VEGFC: variants seen among roughly 807,000 people sequenced by gnomAD.
VEGFC encodes vascular endothelial growth factor C, also known as FLT4 ligand DHM.
A neutral mutation model predicts 46.1 loss-of-function variants in VEGFC; 12 were observed. The ratio of observed to expected loss-of-function variants is 0.26; its 90% CI spans 0.17 to 0.42. The LOEUF is 0.42. Ranked by LOEUF, VEGFC falls within the 10% of genes least tolerant of loss-of-function variation. The probability of loss-of-function intolerance (pLI) is 1.00; values close to 1 mark genes in which losing one functional copy is unlikely to be tolerated. For synonymous variants in VEGFC, 232 were observed against 195.5 expected (o/e 1.19, Z -1.56); for missense variants, 488 against 529.4 (o/e 0.92, Z 0.77).
intron 6 of VEGFC, 103 bp downstream of exon 6, chr4:176,687,084 C>T: frequency 2.5e-6 from 3 of 1,220,930 alleles, no homozygotes; most frequent in Non-Finnish European, 3.4e-6. Flanking sequence ...AATGTATTGG[C>T]CTCATTCTAA....
At chr4:176,768,331 G>A (rs184394524) in intron 1 of VEGFC, among the ~76,000 whole-genome samples, 1 of 151,894 alleles carries the variant, frequency 6.6e-6, no homozygotes, top group East Asian at 1.9e-4. Context: ...ACAGTGGGCT[G>A]AGCCCTGAAC....
intron 1 of VEGFC, among the ~76,000 whole-genome samples, chr4:176,742,067 A>T (rs1218013879): frequency 6.6e-6 from 1 of 151,882 alleles, no homozygotes; most frequent in Non-Finnish European, 1.5e-5. Context: ...TTTGGCTTCT[A>T]CAACCCTTGT....
chr4:176,768,482 T>C (rs1030786370), intron 1 of VEGFC, among the ~76,000 whole-genome samples: 24 of 30,848 alleles, frequency 7.8e-4, no homozygotes, highest in Admixed American at 2.0e-3. Flanking sequence ...AGTAAGAGGA[T>C]GTTTTATACA....
chr4:176,749,017 GAAGTTTATAATGC>G (rs1735300705), intron 1 of VEGFC, among the ~76,000 whole-genome samples: 1 of 151,942 alleles, frequency 6.6e-6, no homozygotes, highest in South Asian at 2.1e-4. Context: ...CTTGAAAGAA[GAAGTTTATAATGC>G]AAGTCAATAA....
At chr4:176,766,986 A>T (rs1041726221) in intron 1 of VEGFC, among the ~76,000 whole-genome samples, 1 of 151,652 alleles carries the variant, frequency 6.6e-6, no homozygotes, top group Non-Finnish European at 1.5e-5. Context: ...CTTACATTAA[A>T]ATTAAAGAAA....
chr4:176,717,863 T>C (rs186954359), intron 3 of VEGFC, among the ~76,000 whole-genome samples: 2 of 152,134 alleles, frequency 1.3e-5, no homozygotes, highest in Admixed American at 6.5e-5. Flanking sequence ...CATTTTGACT[T>C]AGCATTGCAA....
chr4:176,780,391 A>AAAAAAAAAAAACAAAC lies in VEGFC; in HGVS notation c.147+11773_147+11774insGTTTGTTTTTTTTTTT, dbSNP rs1553997828. Among the ~76,000 whole-genome samples the AAAAAAAAAAAACAAAC allele has an allele frequency of 2.0e-5, 3 of 148,676 alleles. No individual in the cohort carries two copies. In the South Asian group the frequency reaches 6.4e-4, roughly 32 times the overall value. ...AGCGAGACTCCATCTCAAAAAAAAA[A>AAAAAAAAAAAACAAAC]AAAAAAAACTCCTTCTAACCCATTC... On this transcript the variant is annotated intron_variant, in intron 1 of 6. Coordinates refer to ENST00000618562, the MANE Select transcript of VEGFC (RefSeq NM_005429.5).
chr4:176,702,129 C>T (rs1734444662), intron 4 of VEGFC, among the ~76,000 whole-genome samples: 1 of 152,014 alleles, frequency 6.6e-6, no homozygotes, highest in Admixed American at 6.6e-5. Context: ...GTTTCCTTGG[C>T]TATAAATCTA....
Position 176,687,105 on chromosome 4 carries a change from T to C in VEGFC, c.1145+82A>G, listed in dbSNP as rs1251742392. Reference sequence around the variant, plus strand: ...TTGGCCTCATTCTAACAAGCAATTGTTACTTTGGTTAAGAAAACTGCTTTT... The same window carrying C: ...TTGGCCTCATTCTAACAAGCAATTGCTACTTTGGTTAAGAAAACTGCTTTT... On this transcript the variant is annotated intron_variant, in intron 6 of 6. Transcript: ENST00000618562. 9.9e-6 allele frequency: 14 copies of C among 1,417,348 alleles called. No homozygotes were observed. In the Admixed American group the frequency reaches 1.3e-4, roughly 13 times the overall value. 87.8% of individuals were successfully genotyped at this position (1,417,348 alleles called of 1,614,324 possible).
intron 1 of VEGFC, among the ~76,000 whole-genome samples, chr4:176,759,614 ATAAG>A (rs1180885122): frequency 2.0e-5 from 3 of 152,186 alleles, no homozygotes; most frequent in African/African-American, 7.2e-5. Context: ...ACAAAAAATG[ATAAG>A]TATGTGAGAT....
At chr4:176,701,596 C>G (rs1034553912) in intron 4 of VEGFC, among the ~76,000 whole-genome samples, 1 of 152,128 alleles carries the variant, frequency 6.6e-6, no homozygotes, top group Non-Finnish European at 1.5e-5. Context: ...AAAACAGTAA[C>G]GCTCACAGCC....
At chr4:176,753,925 T>C (rs1735390413) in intron 1 of VEGFC, among the ~76,000 whole-genome samples, 1 of 152,104 alleles carries the variant, frequency 6.6e-6, no homozygotes. Flanking sequence ...CAAATAAAAT[T>C]GCATGTACTA....
In VEGFC at chr4:176,729,663, A is replaced by G. The variant is rs770236352; in HGVS notation, c.231T>C (p.Tyr77=). 2 of 1,613,776 alleles carry G rather than the reference A, an allele frequency of 1.2e-6. No homozygotes were observed. The highest frequency in any genetic ancestry group is 4.5e-5 in the East Asian group (2 of 44,838). ...DELMTVLYPE[Y]WKMYKCQLRK... The stretch of plus-strand genomic sequence containing the variant: ...TTAGCTGACACTTGTACATTTTCCA[A>G]TATTCTGGGTAGAGTACAGTCATGA... The change falls in exon 2 of 7, where the codon TAT becomes TAC. Residue 77 remains tyrosine, a synonymous_variant. Transcript: ENST00000618562.
intron 1 of VEGFC, among the ~76,000 whole-genome samples, chr4:176,779,877 C>G (rs771442710): frequency 2.0e-4 from 31 of 152,154 alleles, no homozygotes; most frequent in Non-Finnish European, 4.0e-4. Context: ...AATGTACCAC[C>G]AGTGAAATCA....
At chr4:176,684,150 A>T (rs183203331) in intron 6 of VEGFC, 110 bp from the exon 7 acceptor site, 2 of 808,856 alleles carry the variant, frequency 2.5e-6, no homozygotes, top group African/African-American at 1.7e-5. Context: ...AAAATTACTA[A>T]TTTTATGACG....
intron 1 of VEGFC, among the ~76,000 whole-genome samples, chr4:176,769,650 C>G (rs1249362837): frequency 6.6e-6 from 1 of 152,162 alleles, no homozygotes; most frequent in East Asian, 1.9e-4. Context: ...AGTTAGAATT[C>G]TAACAGGCCC....
At chr4:176,779,432 A>C (rs1735870018) in intron 1 of VEGFC, among the ~76,000 whole-genome samples, 1 of 152,202 alleles carries the variant, frequency 6.6e-6, no homozygotes. Flanking sequence ...AAAATGTTTT[A>C]ATTGCAAAAT....
intron 3 of VEGFC, among the ~76,000 whole-genome samples, chr4:176,720,083 T>C (rs572726943): frequency 3.3e-5 from 5 of 151,794 alleles, no homozygotes; most frequent in Non-Finnish European, 5.9e-5. Flanking sequence ...TTCCTTATAC[T>C]ATAAACAAAA....
At chr4:176,686,806 CTTTG>C (rs1024568899) in intron 6 of VEGFC, among the ~76,000 whole-genome samples, 2 of 151,980 alleles carry the variant, frequency 1.3e-5, no homozygotes, top group African/African-American at 2.4e-5. Context: ...CTCTCCTGTC[CTTTG>C]TTTGTAAGTT....
Sources: gnomAD v4.1 joint callset for allele counts (sites outside exome capture counted in the v4.1 genomes callset) on GRCh38, gnomAD v4.1.1 for gene constraint, MANE v1.5 for transcripts, NCBI Gene and HGNC (gene_info 2026-07-23, HGNC 2026-07-21) for gene names.